SOX5: variants seen among roughly 807,000 people sequenced by gnomAD.
SOX5 encodes the protein transcription factor SOX-5.
Under a neutral mutation model 92.0 loss-of-function variants are expected in SOX5, and 9 were observed. The observed-to-expected ratio is 0.10, with a 90% CI of 0.06 to 0.17. The LOEUF is 0.17. Ranked by LOEUF, SOX5 falls within the 10% of genes least tolerant of loss-of-function variation. SOX5 has a pLI of 1.00. For synonymous variants in SOX5, 344 were observed against 336.3 expected, an observed-to-expected ratio of 1.02 and a Z score of -0.25; for missense variants, 642 against 944.5, an observed-to-expected ratio of 0.68 and a Z score of 4.20.
intron 1 of SOX5, among the ~76,000 whole-genome samples, chr12:24,483,513 T>A (rs1185345742): frequency 1.7e-4 from 26 of 152,226 alleles, no homozygotes; most frequent in Admixed American, 1.7e-3. Context: ...AAATGAGTAC[T>A]TGTGTATTTT....
At chr12:24,326,111 CA>C (rs1440075276) in intron 2 of SOX5, among the ~76,000 whole-genome samples, 2 of 152,072 alleles carry the variant, frequency 1.3e-5, no homozygotes, top group East Asian at 1.9e-4. Context: ...CTGGTGAGAA[CA>C]AAATAACTTC....
chr12:24,512,040 T>C (rs1949370868), intron 1 of SOX5, among the ~76,000 whole-genome samples: 2 of 152,132 alleles, frequency 1.3e-5, no homozygotes, highest in Non-Finnish European at 2.9e-5. Context: ...TCAATTACTG[T>C]TAAAAACAAT....
intron 4 of SOX5, among the ~76,000 whole-genome samples, chr12:23,992,374 ATACT>A (rs1950646391): frequency 1.3e-5 from 2 of 152,206 alleles, no homozygotes; most frequent in South Asian, 4.1e-4. Context: ...CAACTTGATC[ATACT>A]TACTTATATT....
At chr12:24,297,466 A>G (rs887886076) in intron 2 of SOX5, among the ~76,000 whole-genome samples, 3 of 152,252 alleles carry the variant, frequency 2.0e-5, no homozygotes, top group African/African-American at 7.2e-5. Flanking sequence ...TTCATTAACT[A>G]CTACAAGTGG....
chr12:24,032,958 G>A (rs193053040), intron 4 of SOX5, among the ~76,000 whole-genome samples: 1 of 151,900 alleles, frequency 6.6e-6, no homozygotes, highest in Admixed American at 6.6e-5. Context: ...ATATTAGAAG[G>A]CCCTAACTGG....
chr12:23,890,320 CAAA>C (rs201083567), intron 2 of SOX5, among the ~76,000 whole-genome samples: 1 of 92,496 alleles, frequency 1.1e-5, no homozygotes. Flanking sequence ...AACTCCATTT[CAAA>C]AAAAAAAAAA....
chr12:23,757,715 A>G (rs945324232), intron 3 of SOX5, among the ~76,000 whole-genome samples: 4 of 151,984 alleles, frequency 2.6e-5, no homozygotes, highest in African/African-American at 9.7e-5. Context: ...TCCATTGTGC[A>G]CTAACAATAG....
At chr12:24,305,660 C>T (rs1384292600) in intron 2 of SOX5, among the ~76,000 whole-genome samples, 2 of 152,118 alleles carry the variant, frequency 1.3e-5, no homozygotes, top group African/African-American at 2.4e-5. Flanking sequence ...TGCAGTGGCG[C>T]GATCGCGGCT....
At chr12:24,400,239 G>C (rs530548420) in intron 1 of SOX5, among the ~76,000 whole-genome samples, 1 of 152,248 alleles carries the variant, frequency 6.6e-6, no homozygotes, top group Middle Eastern at 3.4e-3. Flanking sequence ...CTCTGAAGTG[G>C]GTGAAATAAC....
chr12:23,542,651 A>C (rs1942334331), intron 13 of SOX5, among the ~76,000 whole-genome samples: 1 of 152,252 alleles, frequency 6.6e-6, no homozygotes, highest in Admixed American at 6.5e-5. Flanking sequence ...GGTTACTAAA[A>C]GTATAAATGT....
At chr12:24,094,569 G>A (rs1323037766) in intron 4 of SOX5, among the ~76,000 whole-genome samples, 1 of 150,848 alleles carries the variant, frequency 6.6e-6, no homozygotes. Context: ...CTTAACCTGA[G>A]GTCATAAAAA....
At chr12:24,264,992 G>T (rs933140766) in intron 3 of SOX5, among the ~76,000 whole-genome samples, 11 of 152,168 alleles carry the variant, frequency 7.2e-5, no homozygotes, top group African/African-American at 2.7e-4. Context: ...CCAACTAGGG[G>T]AGGCATATCA....
In SOX5 at chr12:24,560,861, C is replaced by A. The variant is rs558614699; in HGVS notation, c.-251+1468G>T. On this transcript the variant is annotated intron_variant, in intron 1 of 4. Coordinates refer to the SOX5 transcript ENST00000446891. ...GTTTTTCTGATGGAAATGTCCATTGCCTACAAATCTCACATGTGCCTACTT... is the reference window on the plus strand; with the variant it reads ...GTTTTTCTGATGGAAATGTCCATTGACTACAAATCTCACATGTGCCTACTT... 3.3e-5 allele frequency among the ~76,000 whole-genome samples: 5 copies of A among 152,300 alleles called. No homozygotes were observed. The South Asian group carries it at 1.0e-3, about 32-fold the overall frequency.
chr12:23,546,553 C>A (rs565623858), intron 11 of SOX5, 129 bp from the exon 12 acceptor site: 1 of 604,126 alleles, frequency 1.7e-6, no homozygotes, highest in South Asian at 2.1e-5. Flanking sequence ...CACCTTTTTA[C>A]GTTCAGCACA....
intron 10 of SOX5, among the ~76,000 whole-genome samples, chr12:23,570,843 G>C (rs532810250): frequency 6.9e-6 from 1 of 145,446 alleles, no homozygotes; most frequent in Non-Finnish European, 1.5e-5. Flanking sequence ...CCCAGGAGGC[G>C]GAGCTTGCAG....
intron 3 of SOX5, among the ~76,000 whole-genome samples, chr12:24,223,960 T>C (rs944904435): frequency 1.3e-5 from 2 of 152,170 alleles, no homozygotes; most frequent in East Asian, 3.8e-4. Context: ...AATCACCAGT[T>C]AGCTAAAGAA....
At position 24,393,776 on chromosome 12, in the gene SOX5, T is replaced by A. The variant is rs1455216305; in HGVS notation, c.-250-25137A>T. ...GATGAAAGAAACTTTGTTTCCCATC[T>A]TCAAAGAAGTGGGGAAATTTAAGAC... On this transcript the variant is annotated intron_variant, in intron 1 of 4. Coordinates refer to the SOX5 transcript ENST00000446891. This position sits in a 1 kb window ranked among gnomAD's most constrained non-coding sequence, Gnocchi z 5.0. Among the ~76,000 whole-genome samples the A allele has an allele frequency of 6.6e-6, 1 of 152,198 alleles. No homozygotes were observed. Among genetic ancestry groups the A allele is most frequent in the African/African-American group, 2.4e-5 (1 of 41,452 alleles).
chr12:23,978,396 T>C (rs1949153872), intron 4 of SOX5, among the ~76,000 whole-genome samples: 1 of 152,160 alleles, frequency 6.6e-6, no homozygotes, highest in Non-Finnish European at 1.5e-5. Context: ...AATAAAACTT[T>C]GGGGTTAATA....
chr12:23,790,016 C>T (rs1234819705), intron 3 of SOX5, among the ~76,000 whole-genome samples: 3 of 152,074 alleles, frequency 2.0e-5, no homozygotes, highest in East Asian at 3.9e-4. Context: ...ATTAAGAGAA[C>T]TATGTAAAGC....
Sources: allele counts gnomAD v4.1 joint callset (sites outside exome capture counted in the v4.1 genomes callset), GRCh38; gene constraint gnomAD v4.1.1; non-coding constraint Gnocchi (gnomAD v3.1); transcripts MANE v1.5; gene names NCBI Gene and HGNC (gene_info 2026-07-23, HGNC 2026-07-21).